Variants in FBLN1 observed in about 807,000 individuals in gnomAD.
FBLN1 encodes fibulin-1.
FBLN1 carries 34 observed loss-of-function variants against 89.7 expected under a neutral mutation model. The ratio of observed to expected loss-of-function variants is 0.38; its 90% CI spans 0.29 to 0.50. The LOEUF is 0.50. FBLN1 is among the 20% of genes least tolerant of loss of function. The pLI, the probability that FBLN1 is intolerant of heterozygous loss-of-function variation, is 0.92. For synonymous variants in FBLN1, 393 were observed against 391.3 expected, an observed-to-expected ratio of 1.00 and a Z score of -0.05; for missense variants, 777 against 988.1, an observed-to-expected ratio of 0.79 and a Z score of 2.86.
At chr22:45,512,139 T>A (rs1481398067) in intron 1 of FBLN1, among the ~76,000 whole-genome samples, 1 of 151,686 alleles carries the variant, frequency 6.6e-6, no homozygotes, top group East Asian at 1.9e-4. Flanking sequence ...CAGAGGTAAT[T>A]TTTGGATCTC....
intron 8 of FBLN1, chr22:45,535,701 T>TA (rs2088474914): frequency 8.0e-6 from 2 of 248,686 alleles, no homozygotes; most frequent in African/African-American, 4.5e-5. Context: ...GTTTTGGAGT[T>TA]AGAGTGACCC....
chr22:45,544,529 CAG>C (rs2088601617), intron 11 of FBLN1, among the ~76,000 whole-genome samples: 1 of 152,236 alleles, frequency 6.6e-6, no homozygotes, highest in Admixed American at 6.5e-5. Flanking sequence ...CTCAAAGGGA[CAG>C]AGAAACCGTT....
rs6006767 is a variant in FBLN1 at position 45,531,165 on chromosome 22, T to C, written c.485-100T>C. ...TTTATATAAGATGTTCAAATGGGCA[T>C]TACTGCCTGATAGTGACAAGAAGAG... On this transcript the variant is annotated intron_variant, in intron 4 of 16. Transcript: ENST00000327858. This position sits in a 1 kb window ranked among gnomAD's most constrained non-coding sequence, Gnocchi z 4.9. 99,747 of 1,004,468 alleles carry C rather than the reference T, an allele frequency of 0.099. 5,554 individuals carry two copies. The highest frequency in any genetic ancestry group is 0.18 in the South Asian group (13,745 of 78,182). 62.2% of individuals were successfully genotyped at this position (1,004,468 alleles called of 1,614,324 possible). A position where few individuals can be genotyped will look rare whatever the true frequency, so the allele number is the denominator to read the frequency against.
rs1220816921 is a variant in FBLN1 at position 45,535,307 on chromosome 22, T to A, written c.892T>A (p.Phe298Ile). 1 of 1,614,246 alleles carries A rather than the reference T, an allele frequency of 6.2e-7. No individual in the cohort carries two copies. The highest frequency in any genetic ancestry group is 1.1e-5 in the South Asian group (1 of 91,086). The change falls in exon 8 of 17, where the codon TTT (phenylalanine) becomes ATT (isoleucine). Residue 298 changes from phenylalanine to isoleucine, a missense_variant. Transcript: ENST00000327858. ...ACCCAAGCTACAGTGCAAGAGTGGC[T>A]TTATACAAGATGCTCTAGGCAACTG... ...CRPKLQCKSG[F>I]IQDALGNCID...
rs989966983 is a variant in FBLN1, at chr22:45,544,212, G to A, written c.1321+686G>A. Reference sequence around the variant, plus strand: ...AGCGATTCCCCTGCCTCAGCCTCCCGAATAGCTGGGATTACAGGTGCACAC... The same window carrying A: ...AGCGATTCCCCTGCCTCAGCCTCCCAAATAGCTGGGATTACAGGTGCACAC... On this transcript the variant is annotated intron_variant, in intron 11 of 16. Coordinates refer to ENST00000327858, the MANE Select transcript of FBLN1 (RefSeq NM_006486.3). Among the ~76,000 whole-genome samples, 10 of 152,092 alleles carry A rather than the reference G, an allele frequency of 6.6e-5. No individual in the cohort carries two copies. The East Asian group carries it at 7.7e-4, about 12-fold the overall frequency.
At chr22:45,559,050 G>A (rs1023873322) in intron 14 of FBLN1, among the ~76,000 whole-genome samples, 2 of 152,248 alleles carry the variant, frequency 1.3e-5, no homozygotes, top group Non-Finnish European at 2.9e-5. Context: ...CACAAAGCCG[G>A]AGAGTTGATA....
Position 45,550,882 on chromosome 22 carries a change from C to G in FBLN1, c.1697+267C>G. On this transcript the variant is annotated intron_variant, in intron 14 of 16. Coordinates refer to ENST00000327858, the MANE Select transcript of FBLN1 (RefSeq NM_006486.3). The surrounding 1 kb of genome is among the most constrained non-coding windows in gnomAD (Gnocchi z 8.4). ...CTGTGCACAGAACCAGGAGAAACCA[C>G]AGCCCTCTTTTTTCCTAGGGTGGAA... 1 of 534,528 alleles carries G rather than the reference C, an allele frequency of 1.9e-6. No individual in the cohort carries two copies. The highest frequency in any genetic ancestry group is 3.4e-6 in the Non-Finnish European group (1 of 295,814). The allele number at this position is 534,528 out of a possible 1,614,324, so 33.1% of individuals were successfully genotyped here.
chr22:45,535,936 A>G (rs907978354), intron 8 of FBLN1, among the ~76,000 whole-genome samples: 1 of 152,220 alleles, frequency 6.6e-6, no homozygotes, highest in African/African-American at 2.4e-5. Flanking sequence ...TAATCCTAGC[A>G]CTTTGGGAGG....
chr22:45,552,624 C>T (rs749975101), intron 14 of FBLN1, among the ~76,000 whole-genome samples: 16 of 152,252 alleles, frequency 1.1e-4, no homozygotes, highest in Non-Finnish European at 1.0e-4. Flanking sequence ...TGGTTAACAA[C>T]TCAGCAAGAG....
intron 9 of FBLN1, among the ~76,000 whole-genome samples, chr22:45,541,837 C>T (rs1216352197): frequency 6.6e-6 from 1 of 152,240 alleles, no homozygotes; most frequent in Non-Finnish European, 1.5e-5. Context: ...GGGCACCCAG[C>T]CTGCCTAGAT....
chr22:45,548,496 T>A, intron 12 of FBLN1, 117 bp from the exon 13 acceptor site: 1 of 1,398,274 alleles, frequency 7.2e-7, no homozygotes, highest in Non-Finnish European at 9.8e-7. Context: ...TGTGTTCAGC[T>A]TGTCCTGTGC....
chr22:45,531,414 G>T lies in FBLN1; in HGVS notation c.544+90G>T. ...TCAGGCCTGTAATCCTAGTACTTTG[G>T]GAAGCCAAGGCAGGAGGATTCCTTG... On this transcript the variant is annotated intron_variant, in intron 5 of 16. Coordinates refer to ENST00000327858, the MANE Select transcript of FBLN1 (RefSeq NM_006486.3). This position sits in a 1 kb window ranked among gnomAD's most constrained non-coding sequence, Gnocchi z 4.9. The T allele has an allele frequency of 8.8e-7, 1 of 1,142,236 alleles. No homozygotes were observed. The allele number at this position is 1,142,236 out of a possible 1,614,324, so 70.8% of individuals were successfully genotyped here.
At chr22:45,542,031 G>A (rs540101173) in intron 9 of FBLN1, 124 bp from the exon 10 acceptor site, 49 of 1,427,144 alleles carry the variant, frequency 3.4e-5, no homozygotes, top group South Asian at 5.8e-5. Context: ...CTGTGAAGTC[G>A]TGTTGAAATG....
intron 4 of FBLN1, 121 bp downstream of exon 4, chr22:45,528,130 C>T: frequency 8.6e-7 from 1 of 1,166,254 alleles, no homozygotes; most frequent in Non-Finnish European, 1.3e-6. Flanking sequence ...GTGGGGCTGG[C>T]AAGTCCAAAA....
chr22:45,508,420 C>A (rs1021577979), intron 1 of FBLN1, among the ~76,000 whole-genome samples: 1 of 151,846 alleles, frequency 6.6e-6, no homozygotes, highest in African/African-American at 2.4e-5. Flanking sequence ...CGCCACCACG[C>A]CTGGCTAATT....
chr22:45,533,413 G>A (rs1424950142), intron 6 of FBLN1, among the ~76,000 whole-genome samples: 2 of 152,194 alleles, frequency 1.3e-5, no homozygotes, highest in East Asian at 1.9e-4. Flanking sequence ...ACCAGGTTCC[G>A]GATCCAGGAT....
At chr22:45,591,626 T>C (rs1320700651) in intron 16 of FBLN1, among the ~76,000 whole-genome samples, 1 of 152,176 alleles carries the variant, frequency 6.6e-6, no homozygotes. Flanking sequence ...TTCCCGGCTT[T>C]TATGGCGTTT....
At chr22:45,544,237 C>T (rs1360501324) in intron 11 of FBLN1, among the ~76,000 whole-genome samples, 1 of 152,230 alleles carries the variant, frequency 6.6e-6, no homozygotes. Context: ...CAGGTGCACA[C>T]CACCATGCCC....
chr22:45,518,813 C>T (rs2088207312), intron 2 of FBLN1, 26 bp downstream of exon 2: 1 of 1,549,398 alleles, frequency 6.5e-7, no homozygotes, highest in Admixed American at 1.8e-5. Context: ...GCCACTGTTT[C>T]ACTGGAACAA....
Sources: gnomAD v4.1 joint callset for allele counts (sites outside exome capture counted in the v4.1 genomes callset) on GRCh38, gnomAD v4.1.1 for gene constraint, Gnocchi (gnomAD v3.1) non-coding constraint, MANE v1.5 for transcripts, NCBI Gene and HGNC (gene_info 2026-07-23, HGNC 2026-07-21) for gene names.